Variants in MINPP1 observed in about 807,000 individuals in gnomAD.
MINPP1 encodes the protein multiple inositol polyphosphate phosphatase 1.
Under a neutral mutation model 46.1 loss-of-function variants are expected in MINPP1, and 28 were observed. That is an observed-to-expected ratio of 0.61 (90% CI 0.45 to 0.83). The LOEUF (loss-of-function observed/expected upper bound fraction) is 0.83, where lower values mean the gene tolerates loss of function less well. Ranked by LOEUF, MINPP1 falls within the 40% of genes least tolerant of loss-of-function variation. MINPP1 has a pLI of 0.00. For synonymous variants in MINPP1, 268 were observed against 249.1 expected (o/e 1.08, Z -0.72); for missense variants, 603 against 610.0 (o/e 0.99, Z 0.12).
At chr10:87,542,237 G>A (rs530673621) in intron 4 of MINPP1, among the ~76,000 whole-genome samples, 31 of 152,212 alleles carry the variant, frequency 2.0e-4, no homozygotes, top group African/African-American at 7.2e-4. Context: ...AAAAGAAAGG[G>A]GCAGTAGGCT....
chr10:87,512,383 T>G (rs1212155766), intron 2 of MINPP1, among the ~76,000 whole-genome samples: 1 of 152,068 alleles, frequency 6.6e-6, no homozygotes, highest in Admixed American at 6.5e-5. Flanking sequence ...AGTGTGTGAT[T>G]TTTCCCTTTT....
At chr10:87,528,001 G>C (rs1044911604) in intron 4 of MINPP1, among the ~76,000 whole-genome samples, 4 of 152,168 alleles carry the variant, frequency 2.6e-5, no homozygotes, top group African/African-American at 9.7e-5. Context: ...GCGTAGAGAT[G>C]TTTATACTAT....
intron 4 of MINPP1, among the ~76,000 whole-genome samples, chr10:87,523,946 A>G (rs139075095): frequency 1.2e-4 from 18 of 152,332 alleles, no homozygotes; most frequent in Middle Eastern, 3.4e-3. Context: ...TTGTTGTTCT[A>G]TTTATAGAGC....
chr10:87,520,558 T>C (rs1024069307), intron 3 of MINPP1, among the ~76,000 whole-genome samples: 3 of 152,170 alleles, frequency 2.0e-5, no homozygotes, highest in African/African-American at 7.2e-5. Flanking sequence ...GACTTCTACC[T>C]TCTCAAAATT....
chr10:87,520,569 C>G (rs1196674305), intron 3 of MINPP1, among the ~76,000 whole-genome samples: 1 of 152,088 alleles, frequency 6.6e-6, no homozygotes. Context: ...TCTCAAAATT[C>G]TTATACATTT....
In MINPP1 at chr10:87,513,168, A is replaced by G. The variant is rs1193375236; in HGVS notation, c.880A>G (p.Ile294Val). 6 of 1,613,708 alleles carry G rather than the reference A, an allele frequency of 3.7e-6. No individual in the cohort carries two copies. In the African/African-American group the frequency reaches 5.3e-5, roughly 14 times the overall value. ...AFFTCSFDLA[I>V]KGVKSPWCDV... ...TTTCACCTGTTCATTTGACCTGGCA[A>G]TTAAAGGTGTTAAATCTCCTTGGTG... Residue 294 changes from isoleucine (I) to valine (V), a missense_variant, in exon 3 of 5, where the codon ATT (isoleucine) becomes GTT (valine). Physicochemically the swap from Ile to Val is conservative, Grantham distance 29 (BLOSUM62 3). Around this residue, in one of 3 missense-constraint regions of MINPP1, gnomAD observed 344 missense variants for 381.1 expected, o/e 0.90. Transcript: ENST00000371996.
At chr10:87,545,496 T>A (rs1219529958) in intron 4 of MINPP1, among the ~76,000 whole-genome samples, 1 of 152,112 alleles carries the variant, frequency 6.6e-6, no homozygotes, top group Admixed American at 6.6e-5. Flanking sequence ...CAAAAAAAAA[T>A]ATGCAGCATC....
chr10:87,529,220 A>G (rs2131824058), intron 4 of MINPP1, among the ~76,000 whole-genome samples: 1 of 152,226 alleles, frequency 6.6e-6, no homozygotes, highest in East Asian at 1.9e-4. Context: ...TTTAAGGTTA[A>G]TATTGTTATG....
chr10:87,524,948 A>G (rs1851554069), intron 4 of MINPP1, among the ~76,000 whole-genome samples: 1 of 59,320 alleles, frequency 1.7e-5, no homozygotes, highest in Admixed American at 1.5e-4. Context: ...AATATTGTGT[A>G]TTACTAAAAT....
Position 87,552,355 on chromosome 10 carries a change from C to T in MINPP1, c.1341C>T (p.Tyr447=), listed in dbSNP as rs148360225. Reference sequence around the variant, plus strand: ...ATGAAAAGGTGTTACCTTTGGCTTACTCACAAGAAACTGTTTCATTTTATG... The same window carrying T: ...ATGAAAAGGTGTTACCTTTGGCTTATTCACAAGAAACTGTTTCATTTTATG... ...LLNEKVLPLA[Y]SQETVSFYED... The change falls in exon 5 of 5, where the codon TAC becomes TAT. Residue 447 remains tyrosine, a synonymous_variant. Transcript: ENST00000371996. The T allele has an allele frequency of 1.6e-4, 256 of 1,613,604 alleles. 1 individual carries two copies. The highest frequency in any genetic ancestry group is 8.3e-5 in the Admixed American group (5 of 59,932).
At chr10:87,538,471 A>G (rs761718595) in intron 4 of MINPP1, among the ~76,000 whole-genome samples, 2 of 152,180 alleles carry the variant, frequency 1.3e-5, no homozygotes, top group South Asian at 2.1e-4. Context: ...GCTTTCTGGT[A>G]CTTTAAGGTA....
chr10:87,504,915 G>A lies in MINPP1; in HGVS notation c.-1G>A. The A allele has an allele frequency of 1.2e-6, 2 of 1,610,228 alleles. No individual in the cohort carries two copies. The highest frequency in any genetic ancestry group is 1.7e-5 in the Admixed American group (1 of 59,892). ...GGCGCACTCCACTGACCGTCCCGAC[G>A]ATGCTACGCGCGCCCGGCTGCCTCC... On this transcript the variant is annotated 5_prime_UTR_variant, in exon 1 of 5. Transcript: ENST00000371996.
intron 4 of MINPP1, among the ~76,000 whole-genome samples, chr10:87,546,174 A>C (rs1589386383): frequency 1.3e-5 from 2 of 152,364 alleles, no homozygotes; most frequent in East Asian, 3.9e-4. Context: ...ATCGTATGCT[A>C]AACAAGGAGT....
At chr10:87,551,780 A>G (rs1322964744) in intron 4 of MINPP1, among the ~76,000 whole-genome samples, 1 of 152,160 alleles carries the variant, frequency 6.6e-6, no homozygotes, top group African/African-American at 2.4e-5. Flanking sequence ...ATCTGTTTCA[A>G]GTTCCCATAT....
intron 4 of MINPP1, among the ~76,000 whole-genome samples, chr10:87,546,962 A>T (rs1004846982): frequency 5.3e-5 from 8 of 152,042 alleles, no homozygotes; most frequent in Non-Finnish European, 1.2e-4. Context: ...AATATCATTT[A>T]AAAAAAATTT....
chr10:87,521,190 G>A, intron 4 of MINPP1, 21 bp downstream of exon 4: 2 of 1,602,846 alleles, frequency 1.2e-6, no homozygotes, highest in Non-Finnish European at 1.7e-6. Flanking sequence ...TCTAAAAAAT[G>A]TGAAGTACAT....
intron 4 of MINPP1, among the ~76,000 whole-genome samples, chr10:87,538,596 A>G (rs551918227): frequency 6.6e-6 from 1 of 152,264 alleles, no homozygotes; most frequent in Non-Finnish European, 1.5e-5. Context: ...TTCTTGATTT[A>G]TGTTAAGCTG....
intron 2 of MINPP1, chr10:87,509,630 C>G: frequency 4.5e-6 from 1 of 220,926 alleles, no homozygotes. Flanking sequence ...TTCTTCCTTT[C>G]TCACCAGTGG....
At chr10:87,511,132 TTTC>T (rs1486867712) in intron 2 of MINPP1, among the ~76,000 whole-genome samples, 21 of 152,336 alleles carry the variant, frequency 1.4e-4, no homozygotes, top group African/African-American at 4.8e-4. Context: ...TTATTTTTGT[TTTC>T]TTATGAATCA....
Sources: gnomAD v4.1 joint callset for allele counts (sites outside exome capture counted in the v4.1 genomes callset) on GRCh38, gnomAD v4.1.1 for gene constraint, gnomAD v4.1.1 regional missense constraint, MANE v1.5 for transcripts, NCBI Gene and HGNC (gene_info 2026-07-23, HGNC 2026-07-21) for gene names.